Variants in ARIH1 observed in about 807,000 individuals in gnomAD.
The protein encoded by ARIH1 is ariadne RBR E3 ubiquitin protein ligase 1, also known as E3 ubiquitin-protein ligase ARIH1.
In ARIH1, 8 loss-of-function variants were observed where a neutral mutation model predicts 85.0. That is an observed-to-expected ratio of 0.09 (90% confidence interval 0.06 to 0.17). The LOEUF (loss-of-function observed/expected upper bound fraction) is 0.17, where lower values mean the gene tolerates loss of function less well. Ranked by LOEUF, ARIH1 falls within the 10% of genes least tolerant of loss-of-function variation. The pLI, the probability that ARIH1 is intolerant of heterozygous loss-of-function variation, is 1.00. For missense variants in ARIH1, 311 were observed against 718.1 expected, an observed-to-expected ratio of 0.43 and a Z score of 6.48; for synonymous variants, 238 against 253.6, an observed-to-expected ratio of 0.94 and a Z score of 0.59.
intron 2 of ARIH1, among the ~76,000 whole-genome samples, chr15:72,522,480 A>G (rs1467274465): frequency 6.6e-6 from 1 of 152,188 alleles, no homozygotes; most frequent in Non-Finnish European, 1.5e-5. Context: ...AGATTGTGCC[A>G]TTGCACTACA....
chr15:72,537,983 G>A (rs1313413394), intron 2 of ARIH1, among the ~76,000 whole-genome samples: 3 of 152,080 alleles, frequency 2.0e-5, no homozygotes, highest in Non-Finnish European at 4.4e-5. Context: ...CTCCCTCTCA[G>A]GCTTATAGCA....
chr15:72,541,799 A>G (rs922214116), intron 2 of ARIH1, among the ~76,000 whole-genome samples: 12 of 152,250 alleles, frequency 7.9e-5, no homozygotes, highest in South Asian at 2.1e-4. Flanking sequence ...GCCTGTAGAC[A>G]TTAAGGGCTC....
intron 1 of ARIH1, among the ~76,000 whole-genome samples, chr15:72,495,431 A>G (rs947642441): frequency 6.6e-6 from 1 of 152,200 alleles, no homozygotes; most frequent in African/African-American, 2.4e-5. Flanking sequence ...CGTCTTTTAT[A>G]GCTTTTCTTC....
intron 2 of ARIH1, among the ~76,000 whole-genome samples, chr15:72,537,504 T>C (rs370582409): frequency 6.6e-6 from 1 of 152,204 alleles, no homozygotes; most frequent in East Asian, 1.9e-4. Flanking sequence ...TTTTATGACT[T>C]ATTATTCCGT....
chr15:72,500,034 C>T (rs1022959407), intron 1 of ARIH1, among the ~76,000 whole-genome samples: 1 of 152,110 alleles, frequency 6.6e-6, no homozygotes, highest in South Asian at 2.1e-4. Context: ...AATATTTGTG[C>T]AAGACATTGC....
At chr15:72,482,579 G>A (rs1330221706) in intron 1 of ARIH1, among the ~76,000 whole-genome samples, 1 of 152,126 alleles carries the variant, frequency 6.6e-6, no homozygotes, top group Non-Finnish European at 1.5e-5. Context: ...GTAGAACCTG[G>A]GAGATTAAAT....
intron 2 of ARIH1, among the ~76,000 whole-genome samples, chr15:72,525,714 T>G (rs2064024594): frequency 6.6e-6 from 1 of 152,174 alleles, no homozygotes; most frequent in Non-Finnish European, 1.5e-5. Flanking sequence ...CCATTACTTC[T>G]TCCTTCAGTT....
intron 2 of ARIH1, among the ~76,000 whole-genome samples, chr15:72,527,112 G>T (rs2064033191): frequency 6.6e-6 from 1 of 151,752 alleles, no homozygotes; most frequent in African/African-American, 2.4e-5. Flanking sequence ...TCCTTTCTTG[G>T]TATATCAGTC....
chr15:72,569,021 A>T (rs1387563272), intron 9 of ARIH1, among the ~76,000 whole-genome samples: 1 of 152,170 alleles, frequency 6.6e-6, no homozygotes, highest in African/African-American at 2.4e-5. Context: ...CAAGAATATG[A>T]TATGAGGCCA....
intron 12 of ARIH1, 85 bp downstream of exon 12, chr15:72,581,076 G>C (rs981565064): frequency 3.5e-6 from 5 of 1,430,024 alleles, no homozygotes; most frequent in Middle Eastern, 3.9e-4. Context: ...AGAGTTTTCA[G>C]GGTTCTTGTT....
intron 3 of ARIH1, among the ~76,000 whole-genome samples, chr15:72,548,579 A>G (rs531417434): frequency 1.5e-4 from 23 of 152,348 alleles, no homozygotes; most frequent in Admixed American, 5.9e-4. Flanking sequence ...GTAAGGCATT[A>G]TGGAAACTGC....
At chr15:72,576,240 T>C (rs1435575727) in intron 11 of ARIH1, among the ~76,000 whole-genome samples, 1 of 152,054 alleles carries the variant, frequency 6.6e-6, no homozygotes, top group East Asian at 1.9e-4. Flanking sequence ...GCGCGGTGGC[T>C]CATGCCTGTA....
intron 9 of ARIH1, among the ~76,000 whole-genome samples, chr15:72,568,533 A>G (rs2064230538): frequency 6.6e-6 from 1 of 152,236 alleles, no homozygotes; most frequent in East Asian, 1.9e-4. Flanking sequence ...AAGAATGGCA[A>G]TTTGTAAAAC....
At chr15:72,554,500 C>G (rs1320988326) in intron 3 of ARIH1, among the ~76,000 whole-genome samples, 1 of 152,114 alleles carries the variant, frequency 6.6e-6, no homozygotes, top group Non-Finnish European at 1.5e-5. Flanking sequence ...ATCTTCCCAC[C>G]TCAGCTCCCC....
intron 4 of ARIH1, 65 bp downstream of exon 4, chr15:72,555,428 A>G (rs2064170950): frequency 8.8e-7 from 1 of 1,135,938 alleles, no homozygotes; most frequent in South Asian, 1.4e-5. Flanking sequence ...CCCTTGCACA[A>G]ATTTGCACAA....
rs761248712 is a variant in ARIH1 at position 72,600,627 on chromosome 15, C to T, written c.*17335C>T. 2 of 152,204 alleles carry T rather than the reference C, an allele frequency of 1.3e-5. No homozygotes were observed. Among genetic ancestry groups the T allele is most frequent in the Non-Finnish European group, 2.9e-5 (2 of 68,058 alleles). 9.4% of individuals were successfully genotyped at this position (152,204 alleles called of 1,614,324 possible). A position where few individuals can be genotyped will look rare whatever the true frequency, so the allele number is the denominator to read the frequency against. The stretch of plus-strand genomic sequence containing the variant: ...TGAACTCCTGGGCTCAAGCAATCCT[C>T]CTGCCTCAGCATCTCAAAGTGTTGG... On this transcript the variant is annotated 3_prime_UTR_variant, in exon 14 of 14. Coordinates refer to ENST00000379887, the MANE Select transcript of ARIH1 (RefSeq NM_005744.5).
In ARIH1 at chr15:72,594,811, C is replaced by CTTTTTTTTTTTTTTTTTTTTTT. The variant is rs71137306; in HGVS notation, c.*11525_*11546dup. The CTTTTTTTTTTTTTTTTTTTTTT allele has an allele frequency of 1.3e-4, 10 of 79,616 alleles. 2 individuals are homozygous for CTTTTTTTTTTTTTTTTTTTTTT. The highest frequency in any genetic ancestry group is 4.3e-4 in the African/African-American group (7 of 16,414). 4.9% of individuals were successfully genotyped at this position (79,616 alleles called of 1,614,324 possible). A position where few individuals can be genotyped will look rare whatever the true frequency, so the allele number is the denominator to read the frequency against. On this transcript the variant is annotated 3_prime_UTR_variant, in exon 14 of 14. Coordinates refer to ENST00000379887, the MANE Select transcript of ARIH1 (RefSeq NM_005744.5). ...TTTTTCTGATTTTATGCCTTTTCTT[C>CTTTTTTTTTTTTTTTTTTTTTT]TTTTTTTTTTTTTTTTTTTTTTTTT...
chr15:72,574,134 A>G (rs2064259862), intron 11 of ARIH1, among the ~76,000 whole-genome samples: 1 of 152,226 alleles, frequency 6.6e-6, no homozygotes, highest in Admixed American at 6.5e-5. Flanking sequence ...CCTGGTCTTT[A>G]TTTGGATGCC....
rs747406178 is a variant in ARIH1 at position 72,474,816 on chromosome 15, C to T, written c.177C>T (p.Asp59=). The T allele has an allele frequency of 6.7e-5, 99 of 1,468,274 alleles. 2 individuals are homozygous for T. The South Asian group carries it at 1.4e-3, about 21-fold the overall frequency. 91.0% of individuals were successfully genotyped at this position (1,468,274 alleles called of 1,614,324 possible). A position where few individuals can be genotyped will look rare whatever the true frequency, so the allele number is the denominator to read the frequency against. ...GGCTGGGCGTCGGCGGGGAGCGGGA[C>T]GGACTGCTGTGCGGGGAGACGGGCG... ...EPGLGVGGER[D]GLLCGETGGG... The change falls in exon 1 of 14, where the codon GAC becomes GAT. Residue 59 remains aspartate (D), a synonymous_variant. Transcript: ENST00000379887.
Sources: allele counts gnomAD v4.1 joint callset (sites outside exome capture counted in the v4.1 genomes callset), GRCh38; gene constraint gnomAD v4.1.1; transcripts MANE v1.5; gene names NCBI Gene and HGNC (gene_info 2026-07-23, HGNC 2026-07-21).